Variants in MDGA2 observed in about 807,000 individuals in gnomAD.
MDGA2 encodes the protein MAM domain containing glycosylphosphatidylinositol anchor 2.
MDGA2 carries 40 observed loss-of-function variants against 117.8 expected under a neutral mutation model. The observed-to-expected ratio is 0.34, with a 90% confidence interval of 0.26 to 0.44. The LOEUF (loss-of-function observed/expected upper bound fraction) is 0.44, where lower values mean the gene tolerates loss of function less well. MDGA2 is among the 20% of genes least tolerant of loss of function. The pLI is 1.00. For missense variants in MDGA2, 1,123 were observed against 1,250.6 expected (o/e 0.90, Z 1.54); for synonymous variants, 452 against 439.0 (o/e 1.03, Z -0.37).
At chr14:47,131,921 A>G in intron 4 of MDGA2, 75 bp from the exon 5 acceptor site, 1 of 1,139,326 alleles carries the variant, frequency 8.8e-7, no homozygotes, top group Non-Finnish European at 1.2e-6. Context: ...ATCACATCAC[A>G]TTACATTGTA....
At position 46,860,764 on chromosome 14, in the gene MDGA2, T is replaced by C. The variant is rs538468608; in HGVS notation, c.2753-5610A>G. ...AGAATTCTCCTTTATATCTAGACTTTATCCAGTTCCATCTTTTTCTTGGTC... is the reference window on the plus strand; with the variant it reads ...AGAATTCTCCTTTATATCTAGACTTCATCCAGTTCCATCTTTTTCTTGGTC... On this transcript the variant is annotated intron_variant, in intron 14 of 16. Transcript: ENST00000399232. 7.2e-5 allele frequency among the ~76,000 whole-genome samples: 11 copies of C among 152,086 alleles called. No homozygotes were observed. In the South Asian group the frequency reaches 2.3e-3, roughly 31 times the overall value.
At chr14:47,424,320 G>A (rs1376757913) in intron 1 of MDGA2, among the ~76,000 whole-genome samples, 1 of 151,950 alleles carries the variant, frequency 6.6e-6, no homozygotes, top group African/African-American at 2.4e-5. Context: ...CCATTTGGGA[G>A]GCTGATGTGG....
At chr14:47,670,817 G>T (rs187196892) in intron 1 of MDGA2, among the ~76,000 whole-genome samples, 2 of 152,124 alleles carry the variant, frequency 1.3e-5, no homozygotes, top group Admixed American at 1.3e-4. Flanking sequence ...AAGAGTATTT[G>T]GGAGAATTAT....
At chr14:47,327,038 C>T (rs1268303003) in intron 1 of MDGA2, among the ~76,000 whole-genome samples, 1 of 152,120 alleles carries the variant, frequency 6.6e-6, no homozygotes, top group Non-Finnish European at 1.5e-5. Flanking sequence ...GGCTAGAAGC[C>T]CCTTCCCCAC....
chr14:47,094,425 G>C (rs2138964488), intron 6 of MDGA2, among the ~76,000 whole-genome samples: 1 of 152,054 alleles, frequency 6.6e-6, no homozygotes, highest in South Asian at 2.1e-4. Context: ...TCATACCCTA[G>C]GCACATATTT....
At chr14:47,228,678 G>A (rs989147345) in intron 2 of MDGA2, among the ~76,000 whole-genome samples, 1 of 152,108 alleles carries the variant, frequency 6.6e-6, no homozygotes, top group Non-Finnish European at 1.5e-5. Flanking sequence ...AGAAGCATAT[G>A]TATAGTAATA....
intron 15 of MDGA2, among the ~76,000 whole-genome samples, chr14:46,853,954 T>G (rs1223691891): frequency 6.6e-6 from 1 of 151,810 alleles, no homozygotes; most frequent in Non-Finnish European, 1.5e-5. Context: ...AAAATGATTA[T>G]TTTTCAGAAT....
chr14:47,173,654 A>G (rs1321411915), intron 3 of MDGA2, among the ~76,000 whole-genome samples: 1 of 152,226 alleles, frequency 6.6e-6, no homozygotes, highest in Non-Finnish European at 1.5e-5. Context: ...AGGAAGCACT[A>G]AACATGGAAA....
At chr14:46,858,657 G>A (rs1290842077) in intron 14 of MDGA2, among the ~76,000 whole-genome samples, 1 of 151,848 alleles carries the variant, frequency 6.6e-6, no homozygotes, top group African/African-American at 2.4e-5. Context: ...TCGATCTCCC[G>A]ACCTCGTGAT....
intron 3 of MDGA2, among the ~76,000 whole-genome samples, chr14:47,177,001 A>G (rs1884486530): frequency 2.0e-5 from 3 of 152,082 alleles, no homozygotes; most frequent in Non-Finnish European, 4.4e-5. Flanking sequence ...GGACATGAAC[A>G]GACACTTCTC....
Position 46,983,321 on chromosome 14 carries a change from T to C in MDGA2, c.1820-25678A>G, listed in dbSNP as rs534094091. On this transcript the variant is annotated intron_variant, in intron 8 of 16. Transcript: ENST00000399232. ...AATATTCTCATTAATATTTTTCTGA[T>C]AAATATATTTTCTAATGTGGTCATA... is the stretch of plus-strand genomic sequence containing the variant. Among the ~76,000 whole-genome samples the C allele has an allele frequency of 2.0e-5, 3 of 152,260 alleles. 1 individual carries two copies. Among genetic ancestry groups the C allele is most frequent in the African/African-American group, 4.8e-5 (2 of 41,566 alleles).
At chr14:46,859,960 T>A (rs1881442990) in intron 14 of MDGA2, among the ~76,000 whole-genome samples, 1 of 152,126 alleles carries the variant, frequency 6.6e-6, no homozygotes, top group Non-Finnish European at 1.5e-5. Flanking sequence ...TTTTGGTGTA[T>A]GTTGCTTTAG....
intron 3 of MDGA2, among the ~76,000 whole-genome samples, chr14:47,207,520 G>C (rs1054598715): frequency 7.9e-5 from 12 of 152,028 alleles, no homozygotes; most frequent in African/African-American, 2.9e-4. Flanking sequence ...TAAGATAGTG[G>C]AAGTGGGATT....
chr14:47,191,501 G>C (rs1335155933), intron 3 of MDGA2, among the ~76,000 whole-genome samples: 1 of 150,160 alleles, frequency 6.7e-6, no homozygotes, highest in Non-Finnish European at 1.5e-5. Flanking sequence ...GCCATCTTAC[G>C]GTTATCTTTA....
In MDGA2 at chr14:47,427,173, G is replaced by A. The variant is rs908280851; in HGVS notation, c.281-125623C>T. Among the ~76,000 whole-genome samples the A allele has an allele frequency of 2.6e-5, 4 of 152,182 alleles. No individual in the cohort carries two copies. In the East Asian group the frequency reaches 5.8e-4, roughly 22 times the overall value. On this transcript the variant is annotated intron_variant, in intron 1 of 16. Transcript: ENST00000399232. ...TCAATAAAATAAAATGGCATACAAG[G>A]CCATTACTTTTCTTTAGTGTTTTAA...
Position 47,131,842 on chromosome 14 carries a change from T to A in MDGA2, c.797A>T (p.Glu266Val). 1 of 1,572,378 alleles carries A rather than the reference T, an allele frequency of 6.4e-7. No homozygotes were observed. Among genetic ancestry groups the A allele is most frequent in the Non-Finnish European group, 8.7e-7 (1 of 1,151,120 alleles). The change falls in exon 5 of 17, where the codon GAA (glutamate) becomes GTA (valine). Residue 266 changes from glutamate (E) to valine (V), a missense_variant. Physicochemically the swap from Glu to Val is moderately radical, Grantham distance 121. Coordinates refer to ENST00000399232, the MANE Select transcript of MDGA2 (RefSeq NM_001113498.3). ...ATTCTTTAGTTTTAAGATCTTTGTT[T>A]CACCCTGAAAATGTACACAAAAAAT... ...EIYEPFFTQG[E>V]TKILKLKNLR...
chr14:47,173,469 G>C (rs1030864270), intron 3 of MDGA2, among the ~76,000 whole-genome samples: 1 of 152,204 alleles, frequency 6.6e-6, no homozygotes, highest in Non-Finnish European at 1.5e-5. Flanking sequence ...AATTCTACAA[G>C]CCAGAAGAGA....
chr14:47,100,268 GGTAA>G (rs939845805), intron 5 of MDGA2, among the ~76,000 whole-genome samples: 1 of 152,012 alleles, frequency 6.6e-6, no homozygotes, highest in Non-Finnish European at 1.5e-5. Context: ...CACTTGTGTA[GGTAA>G]GTGATACTTT....
intron 1 of MDGA2, among the ~76,000 whole-genome samples, chr14:47,404,137 C>G (rs1336104268): frequency 1.3e-5 from 2 of 151,938 alleles, no homozygotes; most frequent in African/African-American, 4.8e-5. Context: ...AGAGAGTCAT[C>G]AGCCATGAAC....
Sources: gnomAD v4.1 joint callset for allele counts (sites outside exome capture counted in the v4.1 genomes callset) on GRCh38, gnomAD v4.1.1 for gene constraint, MANE v1.5 for transcripts, NCBI Gene and HGNC (gene_info 2026-07-23, HGNC 2026-07-21) for gene names.